AUTS2: variants seen among roughly 807,000 people sequenced by gnomAD.
AUTS2 encodes the protein activator of transcription and developmental regulator AUTS2.
In AUTS2, 17 loss-of-function variants were observed where a neutral mutation model predicts 112.4. That is an observed-to-expected ratio of 0.15 (90% CI 0.10 to 0.23). The LOEUF (loss-of-function observed/expected upper bound fraction) is 0.23. AUTS2 is among the 10% of genes least tolerant of loss of function. The pLI is 1.00. For missense variants in AUTS2, 1,510 were observed against 1,701.6 expected (o/e 0.89, Z 1.98); for synonymous variants, 751 against 702.7 (o/e 1.07, Z -1.09).
At chr7:69,975,033 CTATT>C (rs902969674) in intron 2 of AUTS2, among the ~76,000 whole-genome samples, 10 of 151,660 alleles carry the variant, frequency 6.6e-5, no homozygotes, top group African/African-American at 2.4e-4. Context: ...CTCCCAGTAA[CTATT>C]TATTTATTTA....
At chr7:70,466,844 C>T (rs914533404) in intron 5 of AUTS2, among the ~76,000 whole-genome samples, 11 of 152,080 alleles carry the variant, frequency 7.2e-5, no homozygotes, top group Non-Finnish European at 1.0e-4. Flanking sequence ...GTCATTTAAA[C>T]GGTAACTTTG....
chr7:69,706,802 TTAAC>T (rs1274415568), intron 1 of AUTS2, among the ~76,000 whole-genome samples: 7 of 152,214 alleles, frequency 4.6e-5, no homozygotes, highest in Admixed American at 2.0e-4. Context: ...CCGCTGTCCT[TTAAC>T]TAGGAAATCA....
intron 15 of AUTS2, chr7:70,783,735 AT>A (rs2129560311): frequency 6.6e-6 from 1 of 152,324 alleles, no homozygotes; most frequent in South Asian, 2.1e-4. Context: ...TCATCTTGCT[AT>A]TGGGTGCTAA....
chr7:70,359,296 C>A (rs959002205), intron 4 of AUTS2, among the ~76,000 whole-genome samples: 2 of 152,256 alleles, frequency 1.3e-5, no homozygotes, highest in Admixed American at 6.5e-5. Context: ...TGTTAGTATT[C>A]CTAATGTCCA....
chr7:70,443,194 GTCAGGCATTT>G (rs1212791683), intron 5 of AUTS2, among the ~76,000 whole-genome samples: 1 of 152,156 alleles, frequency 6.6e-6, no homozygotes, highest in Admixed American at 6.5e-5. Context: ...TTGGAAATAT[GTCAGGCATTT>G]TCAGCTAAGG....
chr7:69,775,600 A>T (rs1330579326), intron 1 of AUTS2, among the ~76,000 whole-genome samples: 1 of 152,062 alleles, frequency 6.6e-6, no homozygotes, highest in African/African-American at 2.4e-5. Context: ...CAGTGTCTGA[A>T]GCTGGATGTG....
chr7:70,022,964 G>T (rs1440172862), intron 2 of AUTS2, among the ~76,000 whole-genome samples: 6 of 151,982 alleles, frequency 3.9e-5, no homozygotes, highest in Non-Finnish European at 7.4e-5. Context: ...CAGTCTTCTT[G>T]CTTTAGTCTC....
intron 5 of AUTS2, among the ~76,000 whole-genome samples, chr7:70,554,288 C>T (rs773459177): frequency 2.0e-5 from 3 of 151,512 alleles, no homozygotes; most frequent in Non-Finnish European, 4.4e-5. Context: ...AGGCTGGTCT[C>T]GAACTCCTGA....
chr7:69,655,685 C>G (rs1341803117), intron 1 of AUTS2, among the ~76,000 whole-genome samples: 1 of 152,072 alleles, frequency 6.6e-6, no homozygotes, highest in East Asian at 1.9e-4. Context: ...GCTTCTCTGT[C>G]TAGTGGTGGG....
intron 4 of AUTS2, among the ~76,000 whole-genome samples, chr7:70,217,337 G>A (rs1811221288): frequency 6.6e-6 from 1 of 152,158 alleles, no homozygotes; most frequent in Admixed American, 6.6e-5. Context: ...TAAAGTATGT[G>A]GGTGACATGG....
At chr7:70,440,880 G>A (rs12113216) in intron 5 of AUTS2, among the ~76,000 whole-genome samples, 11,667 of 152,206 alleles carry the variant, frequency 0.077, 570 homozygotes, top group East Asian at 0.14. Flanking sequence ...AGATGTTCTG[G>A]GGTAGGGCCA....
intron 2 of AUTS2, among the ~76,000 whole-genome samples, chr7:70,058,636 T>A (rs1460709187): frequency 6.6e-6 from 1 of 151,656 alleles, no homozygotes; most frequent in Non-Finnish European, 1.5e-5. Context: ...TTTTTTTTTT[T>A]AACTAACTAG....
chr7:69,757,642 A>G lies in AUTS2; in HGVS notation c.310-141644A>G, dbSNP rs977819101. 2.0e-5 allele frequency among the ~76,000 whole-genome samples: 3 copies of G among 152,160 alleles called. No homozygotes were observed. In the East Asian group the frequency reaches 5.8e-4, roughly 29 times the overall value. On this transcript the variant is annotated intron_variant, in intron 1 of 18. Transcript: ENST00000342771. ...TTAGTGTGTTTTATTTAAACATTCC[A>G]TTATTCAGAAATTGTTACCCCCTCC...
At chr7:69,822,133 C>G (rs139615996) in intron 1 of AUTS2, among the ~76,000 whole-genome samples, 191 of 152,014 alleles carry the variant, frequency 1.3e-3, no homozygotes, top group African/African-American at 4.5e-3. Flanking sequence ...TAGCAGAGTT[C>G]TAGAAAAATG....
At chr7:69,695,093 T>A (rs1797499305) in intron 1 of AUTS2, among the ~76,000 whole-genome samples, 1 of 151,494 alleles carries the variant, frequency 6.6e-6, no homozygotes, top group African/African-American at 2.4e-5. Flanking sequence ...CAGGCTGAGG[T>A]GGGAGGATTG....
chr7:69,684,937 C>G (rs1311606805), intron 1 of AUTS2, among the ~76,000 whole-genome samples: 1 of 152,142 alleles, frequency 6.6e-6, no homozygotes, highest in Non-Finnish European at 1.5e-5. Context: ...CAGTTAAAAT[C>G]TGTATGTTCA....
At chr7:70,559,093 A>G (rs557796670) in intron 5 of AUTS2, among the ~76,000 whole-genome samples, 2 of 152,222 alleles carry the variant, frequency 1.3e-5, no homozygotes, top group Admixed American at 1.3e-4. Flanking sequence ...ACGAGATCTG[A>G]TGGTTTTATA....
chr7:70,403,631 A>T (rs1462469889), intron 4 of AUTS2, among the ~76,000 whole-genome samples: 1 of 152,214 alleles, frequency 6.6e-6, no homozygotes, highest in Non-Finnish European at 1.5e-5. Flanking sequence ...TCTTAGCAAA[A>T]GAAATTACTT....
intron 2 of AUTS2, among the ~76,000 whole-genome samples, chr7:69,903,591 G>A (rs1795049008): frequency 1.3e-5 from 2 of 152,102 alleles, no homozygotes; most frequent in African/African-American, 4.8e-5. Flanking sequence ...GCATTTTTAG[G>A]TTATATGAAC....
Sources: allele counts gnomAD v4.1 joint callset (sites outside exome capture counted in the v4.1 genomes callset), GRCh38; gene constraint gnomAD v4.1.1; transcripts MANE v1.5; gene names NCBI Gene and HGNC (gene_info 2026-07-23, HGNC 2026-07-21).